FHIT: variants seen among roughly 807,000 people sequenced by gnomAD.
The protein encoded by FHIT is fragile histidine triad diadenosine triphosphatase.
In FHIT, 19 loss-of-function variants were observed where a neutral mutation model predicts 17.9. The observed-to-expected ratio is 1.06, with a 90% CI of 0.74 to 1.56. FHIT has a LOEUF of 1.56. Among genes scored for constraint, FHIT ranks in the 40% most tolerant of loss-of-function variants. The pLI is 0.00. For synonymous variants in FHIT, 81 were observed against 69.7 expected, an observed-to-expected ratio of 1.16 and a Z score of -0.81; for missense variants, 248 against 189.2, an observed-to-expected ratio of 1.31 and a Z score of -1.82.
At chr3:59,967,947 T>A (rs1471436308) in intron 7 of FHIT, among the ~76,000 whole-genome samples, 2 of 152,052 alleles carry the variant, frequency 1.3e-5, no homozygotes, top group African/African-American at 4.8e-5. Flanking sequence ...AGAATCAGGA[T>A]ATCTGCAAGT....
At chr3:60,091,722 T>C (rs975091410) in intron 5 of FHIT, among the ~76,000 whole-genome samples, 1 of 152,088 alleles carries the variant, frequency 6.6e-6, no homozygotes, top group African/African-American at 2.4e-5. Context: ...TACCATGAGA[T>C]CTGGCTGTTT....
At chr3:59,797,379 G>A (rs1313640006) in intron 8 of FHIT, among the ~76,000 whole-genome samples, 1 of 152,068 alleles carries the variant, frequency 6.6e-6, no homozygotes, top group Non-Finnish European at 1.5e-5. Context: ...TAGAGATGGG[G>A]TTTTACTATG....
chr3:60,728,503 T>C (rs1239818448), intron 4 of FHIT, among the ~76,000 whole-genome samples: 4 of 152,164 alleles, frequency 2.6e-5, no homozygotes, highest in Non-Finnish European at 4.4e-5. Flanking sequence ...TCCAGCCAGA[T>C]TGAAATTTTC....
chr3:60,107,607 T>G (rs990689393), intron 5 of FHIT, among the ~76,000 whole-genome samples: 1 of 152,168 alleles, frequency 6.6e-6, no homozygotes, highest in African/African-American at 2.4e-5. Context: ...AGAAAGTCAC[T>G]AAATATATAT....
chr3:60,238,002 C>T (rs1425354148), intron 5 of FHIT, among the ~76,000 whole-genome samples: 1 of 151,864 alleles, frequency 6.6e-6, no homozygotes, highest in Non-Finnish European at 1.5e-5. Flanking sequence ...AAAAATCAGC[C>T]AGGAATGGTG....
chr3:60,570,127 G>T (rs2037323415), intron 4 of FHIT, among the ~76,000 whole-genome samples: 1 of 152,030 alleles, frequency 6.6e-6, no homozygotes. Flanking sequence ...AGCTCCCCAG[G>T]TAATTCCATT....
At chr3:60,637,177 G>A (rs909329245) in intron 4 of FHIT, among the ~76,000 whole-genome samples, 22 of 152,164 alleles carry the variant, frequency 1.4e-4, no homozygotes, top group African/African-American at 5.1e-4. Flanking sequence ...AAATGCATAG[G>A]ACACTTGGGT....
intron 1 of FHIT, among the ~76,000 whole-genome samples, chr3:61,217,204 C>A (rs567374671): frequency 2.0e-5 from 3 of 152,192 alleles, no homozygotes. Flanking sequence ...ACGGTTTCTA[C>A]GGATCAAGAA....
At chr3:60,370,741 T>C (rs1376378308) in intron 5 of FHIT, among the ~76,000 whole-genome samples, 1 of 152,210 alleles carries the variant, frequency 6.6e-6, no homozygotes, top group Non-Finnish European at 1.5e-5. Flanking sequence ...ATGCAATTTT[T>C]TAAAAATCAC....
intron 5 of FHIT, among the ~76,000 whole-genome samples, chr3:60,344,862 T>G (rs1710697742): frequency 1.4e-5 from 2 of 147,308 alleles, no homozygotes; most frequent in Non-Finnish European, 3.0e-5. Flanking sequence ...AGTCTACATT[T>G]TAAGATTTTT....
chr3:60,554,154 T>C (rs367825717), intron 4 of FHIT, among the ~76,000 whole-genome samples: 24 of 151,958 alleles, frequency 1.6e-4, no homozygotes, highest in African/African-American at 5.3e-4. Flanking sequence ...AACAGATTTC[T>C]ACACTGAAGG....
At chr3:60,545,169 T>A (rs923197206) in intron 4 of FHIT, among the ~76,000 whole-genome samples, 1 of 152,168 alleles carries the variant, frequency 6.6e-6, no homozygotes, top group Non-Finnish European at 1.5e-5. Context: ...AAACTTATAT[T>A]CTTTTTACTG....
chr3:60,970,118 C>T (rs1200429132), intron 3 of FHIT, among the ~76,000 whole-genome samples: 2 of 152,146 alleles, frequency 1.3e-5, no homozygotes, highest in Non-Finnish European at 2.9e-5. Context: ...GCTACCAGGC[C>T]CAGCCGTTTA....
chr3:60,229,613 C>T (rs138822479), intron 5 of FHIT, among the ~76,000 whole-genome samples: 2 of 152,124 alleles, frequency 1.3e-5, no homozygotes, highest in East Asian at 3.9e-4. Context: ...GGGGACTTTC[C>T]TATCAGGGAA....
At chr3:59,796,263 C>A (rs1318144139) in intron 8 of FHIT, among the ~76,000 whole-genome samples, 1 of 152,126 alleles carries the variant, frequency 6.6e-6, no homozygotes, top group African/African-American at 2.4e-5. Context: ...AAATGCAAAT[C>A]CCTTACCCTG....
intron 1 of FHIT, among the ~76,000 whole-genome samples, chr3:61,240,362 C>T (rs1417835868): frequency 6.6e-6 from 1 of 152,172 alleles, no homozygotes; most frequent in African/African-American, 2.4e-5. Flanking sequence ...CCAGCAGGCA[C>T]CAGTCACATA....
chr3:60,014,648 T>A (rs1437595257), intron 5 of FHIT, among the ~76,000 whole-genome samples: 1 of 152,228 alleles, frequency 6.6e-6, no homozygotes, highest in Admixed American at 6.5e-5. Context: ...AAAGTAGATG[T>A]TTATTTTATT....
chr3:59,780,109 C>T (rs1024401520), intron 8 of FHIT, among the ~76,000 whole-genome samples: 5 of 152,262 alleles, frequency 3.3e-5, no homozygotes, highest in Admixed American at 6.5e-5. Flanking sequence ...CCTGCCATGT[C>T]GCTGGATTTT....
intron 5 of FHIT, among the ~76,000 whole-genome samples, chr3:60,048,581 T>A (rs916778137): frequency 3.9e-5 from 6 of 152,192 alleles, no homozygotes; most frequent in Admixed American, 3.3e-4. Context: ...ACGCACCCCA[T>A]AACAGCAGGT....
Sources: gnomAD v4.1 joint callset for allele counts (sites outside exome capture counted in the v4.1 genomes callset) on GRCh38, gnomAD v4.1.1 for gene constraint, MANE v1.5 for transcripts, NCBI Gene and HGNC (gene_info 2026-07-23, HGNC 2026-07-21) for gene names.